LARS1: variants seen among roughly 807,000 people sequenced by gnomAD.
The protein encoded by LARS1 is leucine--tRNA ligase, cytoplasmic.
A neutral mutation model predicts 162.8 loss-of-function variants in LARS1; 100 were observed. That is an observed-to-expected ratio of 0.61 (90% CI 0.52 to 0.73). The LOEUF (loss-of-function observed/expected upper bound fraction) is 0.73, where lower values mean the gene tolerates loss of function less well. Ranked by LOEUF, LARS1 falls within the 30% of genes least tolerant of loss-of-function variation. The probability of loss-of-function intolerance (pLI) is 0.00; values close to 1 mark genes in which losing one functional copy is unlikely to be tolerated. For synonymous variants in LARS1, 457 were observed against 462.8 expected (o/e 0.99, Z 0.16); for missense variants, 1,258 against 1,408.9 (o/e 0.89, Z 1.71).
chr5:146,143,773 T>C (rs149561471), intron 18 of LARS1, among the ~76,000 whole-genome samples: 18 of 151,978 alleles, frequency 1.2e-4, no homozygotes, highest in African/African-American at 4.3e-4. Context: ...CCAAGGCAGG[T>C]GGATCACCTG....
At chr5:146,152,255 C>A (rs1026817495) in intron 13 of LARS1, among the ~76,000 whole-genome samples, 1 of 152,136 alleles carries the variant, frequency 6.6e-6, no homozygotes, top group Non-Finnish European at 1.5e-5. Context: ...ACACACCTTT[C>A]CCAACACTCT....
At chr5:146,145,228 C>A (rs530802358) in intron 15 of LARS1, among the ~76,000 whole-genome samples, 1 of 152,090 alleles carries the variant, frequency 6.6e-6, no homozygotes, top group East Asian at 1.9e-4. Flanking sequence ...GGACTACAGG[C>A]ACATGTCAAC....
In LARS1 at chr5:146,182,255, T is replaced by C. The variant is rs1027880666; in HGVS notation, c.6+233A>G. 5.1e-5 allele frequency: 30 copies of C among 589,722 alleles called. 1 individual carries two copies. Among genetic ancestry groups the C allele is most frequent in the Admixed American group, 3.0e-5 (1 of 33,176 alleles). 36.5% of individuals were successfully genotyped at this position (589,722 alleles called of 1,614,324 possible). A position where few individuals can be genotyped will look rare whatever the true frequency, so the allele number is the denominator to read the frequency against. ...CGTGCCCGGCTCTCCACCTCGATTT[T>C]AGAAACTCCAGAGAAATAACAAATA... On this transcript the variant is annotated intron_variant, in intron 1 of 31. Coordinates refer to ENST00000394434, the MANE Select transcript of LARS1 (RefSeq NM_020117.11).
At chr5:146,168,542 G>A (rs1754123292) in intron 4 of LARS1, among the ~76,000 whole-genome samples, 1 of 151,902 alleles carries the variant, frequency 6.6e-6, no homozygotes, top group Admixed American at 6.6e-5. Flanking sequence ...AAAATTAGCT[G>A]GGTGTGGTAG....
At chr5:146,172,567 C>A in intron 3 of LARS1, 120 bp downstream of exon 3, 2 of 466,038 alleles carry the variant, frequency 4.3e-6, no homozygotes, top group Non-Finnish European at 7.6e-6. Context: ...AAAAATTATG[C>A]TTTAAGGAAT....
intron 1 of LARS1, among the ~76,000 whole-genome samples, chr5:146,181,374 C>CAAACA (rs1754830582): frequency 1.3e-5 from 2 of 150,934 alleles, no homozygotes; most frequent in Admixed American, 6.6e-5. Flanking sequence ...AACAAACAAA[C>CAAACA]AAAAAACAAA....
At chr5:146,160,561 C>A (rs1050698769) in intron 6 of LARS1, 75 bp from the exon 7 acceptor site, 1 of 650,658 alleles carries the variant, frequency 1.5e-6, no homozygotes, top group Non-Finnish European at 2.5e-6. Flanking sequence ...TCCTATGAAT[C>A]AATTATTTAC....
At chr5:146,156,858 T>C (rs966388368) in intron 10 of LARS1, among the ~76,000 whole-genome samples, 1 of 151,378 alleles carries the variant, frequency 6.6e-6, no homozygotes, top group African/African-American at 2.4e-5. Flanking sequence ...AATAATATAA[T>C]GACTAATGCA....
At chr5:146,181,866 T>TTTTTC (rs1249218022) in intron 1 of LARS1, among the ~76,000 whole-genome samples, 7 of 139,450 alleles carry the variant, frequency 5.0e-5, no homozygotes, top group African/African-American at 1.9e-4. Context: ...TTTTTTTTTT[T>TTTTTC]TTTTTTTTTT....
chr5:146,142,131 G>C (rs907286605), intron 20 of LARS1, among the ~76,000 whole-genome samples: 1 of 152,092 alleles, frequency 6.6e-6, no homozygotes, highest in Non-Finnish European at 1.5e-5. Context: ...TTGCATTCCA[G>C]CCTGGGCAAC....
intron 31 of LARS1, among the ~76,000 whole-genome samples, chr5:146,118,010 A>C (rs1169567490): frequency 6.6e-6 from 1 of 152,234 alleles, no homozygotes; most frequent in African/African-American, 2.4e-5. Context: ...ACTACTGGAC[A>C]TATATCCAGT....
chr5:146,163,049 T>C (rs2126552045), intron 6 of LARS1, among the ~76,000 whole-genome samples: 1 of 152,272 alleles, frequency 6.6e-6, no homozygotes, highest in South Asian at 2.1e-4. Context: ...CCTCAGGTGA[T>C]CCACCCACCT....
At chr5:146,132,141 C>G (rs2126429257) in intron 23 of LARS1, 1 of 152,224 alleles carries the variant, frequency 6.6e-6, no homozygotes. Context: ...AACCCCATCT[C>G]TACTAAAAAT....
chr5:146,181,848 C>CTTTTTTTTTTTT (rs34658033), intron 1 of LARS1, among the ~76,000 whole-genome samples: 546 of 53,028 alleles, frequency 0.01, 106 homozygotes, highest in Middle Eastern at 0.029. Flanking sequence ...TCAATTTTTT[C>CTTTTTTTTTTTT]TTTTTTTTTT....
At chr5:146,129,449 T>C (rs936371806) in intron 25 of LARS1, among the ~76,000 whole-genome samples, 1 of 152,198 alleles carries the variant, frequency 6.6e-6, no homozygotes, top group Non-Finnish European at 1.5e-5. Context: ...CACTCAGTTT[T>C]TATCCTGCTA....
rs147521281 is a variant in LARS1, at chr5:146,177,828, G to A, written c.7-163C>T. Among the ~76,000 whole-genome samples the A allele has an allele frequency of 1.8e-3, 269 of 152,236 alleles. 3 individuals are homozygous for A. The highest frequency in any genetic ancestry group is 6.2e-3 in the African/African-American group (258 of 41,558). ...AAAATTAGGGTTATCAGCCAGGCGC[G>A]GTGGCTCATGCGTGTAATCCCAGCA... On this transcript the variant is annotated intron_variant, in intron 1 of 31. Transcript: ENST00000394434.
At chr5:146,168,419 T>C (rs1754117820) in intron 4 of LARS1, among the ~76,000 whole-genome samples, 154 bp from the exon 5 acceptor site, 1 of 152,220 alleles carries the variant, frequency 6.6e-6, no homozygotes, top group South Asian at 2.1e-4. Flanking sequence ...AAACGGAGGC[T>C]GGGAGCAGTG....
intron 8 of LARS1, 98 bp downstream of exon 8, chr5:146,159,309 C>T (rs1753670380): frequency 9.4e-6 from 8 of 854,308 alleles, no homozygotes; most frequent in South Asian, 9.3e-5. Context: ...CTACATCCCT[C>T]AGCACTACAA....
In LARS1 at chr5:146,171,893, C is replaced by T. The variant is rs547167364; in HGVS notation, c.294+17G>A. 12 of 1,590,880 alleles carry T rather than the reference C, an allele frequency of 7.5e-6. No homozygotes were observed. The highest frequency in any genetic ancestry group is 4.0e-5 in the African/African-American group (3 of 74,326). ...CCAACTAAAAAGAGTAGAAACCAAT[C>T]CTATTAGCGATCTTACCTTAATAGG... On this transcript the variant is annotated intron_variant, in intron 4 of 31. Transcript: ENST00000394434.
Sources: allele counts gnomAD v4.1 joint callset (sites outside exome capture counted in the v4.1 genomes callset), GRCh38; gene constraint gnomAD v4.1.1; transcripts MANE v1.5; gene names NCBI Gene and HGNC (gene_info 2026-07-23, HGNC 2026-07-21).